FAM83D: variants seen among roughly 807,000 people sequenced by gnomAD.
The protein encoded by FAM83D is protein FAM83D.
FAM83D carries 26 observed loss-of-function variants against 25.4 expected under a neutral mutation model. The ratio of observed to expected loss-of-function variants is 1.02; its 90% CI spans 0.75 to 1.42. The LOEUF (loss-of-function observed/expected upper bound fraction) is 1.42. Ranked by LOEUF, FAM83D falls within the 40% of genes most tolerant of loss-of-function variation. The pLI is 0.00. For synonymous variants in FAM83D, 310 were observed against 318.5 expected, an observed-to-expected ratio of 0.97 and a Z score of 0.28; for missense variants, 740 against 758.1, an observed-to-expected ratio of 0.98 and a Z score of 0.28.
chr20:38,926,854 C>T lies in FAM83D; in HGVS notation c.412C>T (p.Arg138Cys), dbSNP rs1207875776. 6 of 1,524,062 alleles carry T rather than the reference C, an allele frequency of 3.9e-6. No individual in the cohort carries two copies. The highest frequency in any genetic ancestry group is 3.6e-5 in the South Asian group (3 of 82,470). 94.4% of individuals were successfully genotyped at this position (1,524,062 alleles called of 1,614,324 possible). ...ATRVETHFQP[R>C]GAGEGGPYGC... ...GCGTGTCGAGACGCACTTCCAGCCCCGCGGCGCTGGCGAAGGTGGCCCCTA... is the reference window on the plus strand; with the variant it reads ...GCGTGTCGAGACGCACTTCCAGCCCTGCGGCGCTGGCGAAGGTGGCCCCTA... The change falls in exon 1 of 4, where the codon CGC becomes TGC. Residue 138 changes from arginine to cysteine, a missense_variant. Coordinates refer to ENST00000619850, the MANE Select transcript of FAM83D (RefSeq NM_030919.3).
intron 3 of FAM83D, among the ~76,000 whole-genome samples, chr20:38,948,345 T>G (rs1247576082): frequency 6.6e-6 from 1 of 152,198 alleles, no homozygotes; most frequent in Non-Finnish European, 1.5e-5. Flanking sequence ...TCCTTAGGGA[T>G]CTGGACCCAG....
chr20:38,949,326 A>G (rs1164348909), intron 3 of FAM83D, among the ~76,000 whole-genome samples: 3 of 151,672 alleles, frequency 2.0e-5, no homozygotes, highest in Non-Finnish European at 4.4e-5. Flanking sequence ...TGACTGGCTA[A>G]TTTTTGTATT....
rs144410998 is a variant in FAM83D at position 38,951,585 on chromosome 20, C to T, written c.823C>T (p.Leu275=). 3.1e-6 allele frequency: 5 copies of T among 1,614,110 alleles called. No homozygotes were observed. The highest frequency in any genetic ancestry group is 4.2e-6 in the Non-Finnish European group (5 of 1,180,008). The part of the protein sequence containing the change: ...GKLNSSNLVI[L]SGQVVEHFDL... ...ATTAAACAGCAGTAACTTGGTAATT[C>T]TGTCTGGCCAAGTGGTTGAACACTT... The change falls in exon 4 of 4, where the codon CTG becomes TTG. Residue 275 remains leucine, a synonymous_variant. Transcript: ENST00000619850.
At chr20:38,946,886 T>G (rs1005481949) in intron 2 of FAM83D, among the ~76,000 whole-genome samples, 14 of 152,212 alleles carry the variant, frequency 9.2e-5, no homozygotes, top group African/African-American at 3.4e-4. Flanking sequence ...AGGTTTTGTG[T>G]GGATATAGGT....
chr20:38,940,224 G>A (rs538286996), intron 1 of FAM83D, among the ~76,000 whole-genome samples: 67 of 152,254 alleles, frequency 4.4e-4, no homozygotes, highest in Non-Finnish European at 3.5e-4. Context: ...ATTAAAAGGG[G>A]TGGGGTGGGA....
Position 38,951,691 on chromosome 20 carries a change from A to G in FAM83D, c.929A>G (p.Lys310Arg). 1 of 1,614,164 alleles carries G rather than the reference A, an allele frequency of 6.2e-7. No individual in the cohort carries two copies. Among genetic ancestry groups the G allele is most frequent in the Non-Finnish European group, 8.5e-7 (1 of 1,180,036 alleles). The change falls in exon 4 of 4, where the codon AAG becomes AGG. Residue 310 changes from lysine (K) to arginine (R), a missense_variant. Transcript: ENST00000619850. ...CTGTCTCACTTCCAGAGCAGCAACA[A>G]GTTTGATCACCTCACCAACCGAAAA... The part of the protein sequence containing the change: ...KLLSHFQSSN[K>R]FDHLTNRKPQ...
chr20:38,940,352 A>G (rs1207001932), intron 1 of FAM83D, among the ~76,000 whole-genome samples: 1 of 152,186 alleles, frequency 6.6e-6, no homozygotes, highest in Non-Finnish European at 1.5e-5. Context: ...GGAGAAAGAC[A>G]GCCAAATTGC....
Position 38,941,970 on chromosome 20 carries a change from G to C in FAM83D, c.495G>C (p.Val165=). The change falls in exon 2 of 4, where the codon GTG becomes GTC. Residue 165 remains valine (V), a synonymous_variant. Coordinates refer to ENST00000619850, the MANE Select transcript of FAM83D (RefSeq NM_030919.3). ...QLRSAREVIA[V]VMDVFTDIDI... The stretch of plus-strand genomic sequence containing the variant: ...TGTTTCACCTGTAGGTGATTGCAGT[G>C]GTCATGGACGTGTTCACAGACATCG... 6.2e-7 allele frequency: 1 copy of C among 1,613,898 alleles called. No homozygotes were observed. The highest frequency in any genetic ancestry group is 8.5e-7 in the Non-Finnish European group (1 of 1,180,012).
intron 1 of FAM83D, among the ~76,000 whole-genome samples, chr20:38,930,225 G>A (rs1051069814): frequency 2.6e-5 from 4 of 152,158 alleles, no homozygotes; most frequent in African/African-American, 4.8e-5. Context: ...TTCTGCATCC[G>A]TGTTCTGATA....
intron 2 of FAM83D, among the ~76,000 whole-genome samples, chr20:38,942,533 A>C (rs1436576544): frequency 6.6e-6 from 1 of 152,256 alleles, no homozygotes; most frequent in Admixed American, 6.5e-5. Flanking sequence ...AAACGTGCTA[A>C]GTGAAGGAAA....
intron 2 of FAM83D, among the ~76,000 whole-genome samples, chr20:38,943,134 C>G (rs937026868): frequency 2.0e-5 from 3 of 151,830 alleles, no homozygotes; most frequent in African/African-American, 4.8e-5. Context: ...AAGAGATTAT[C>G]CTGCCTCAGC....
At position 38,951,752 on chromosome 20, in the gene FAM83D, G is replaced by A. The variant is rs774780605; in HGVS notation, c.990G>A (p.Leu330=). Residue 330 remains leucine (L), a synonymous_variant, in exon 4 of 4, where the codon CTG becomes CTA. Coordinates refer to ENST00000619850, the MANE Select transcript of FAM83D (RefSeq NM_030919.3). ...AGGAGCTCACCCTGGGCAACCTGCTGCGGATGCGGCTGGCTAGGCTGTCAA... is the reference window on the plus strand; with the variant it reads ...AGGAGCTCACCCTGGGCAACCTGCTACGGATGCGGCTGGCTAGGCTGTCAA... The part of the protein sequence containing the change: ...QSKELTLGNL[L]RMRLARLSST... The A allele has an allele frequency of 8.1e-6, 13 of 1,614,082 alleles. No individual in the cohort carries two copies. Among genetic ancestry groups the A allele is most frequent in the Non-Finnish European group, 1.1e-5 (13 of 1,180,046 alleles).
At position 38,952,119 on chromosome 20, in the gene FAM83D, C is replaced by T. The variant is rs1191531835; in HGVS notation, c.1357C>T (p.Pro453Ser). Residue 453 changes from proline to serine, a missense_variant, in exon 4 of 4, where the codon CCT becomes TCT. Transcript: ENST00000619850. ...TGACATGGATGAGAACATTCTCTTTCCTCGAGGAACTCAATCTACAGAAGG... is the reference window on the plus strand; with the variant it reads ...TGACATGGATGAGAACATTCTCTTTTCTCGAGGAACTCAATCTACAGAAGG... ...QTDMDENILF[P>S]RGTQSTEGSP... 1 of 1,614,212 alleles carries T rather than the reference C, an allele frequency of 6.2e-7. No homozygotes were observed. Among genetic ancestry groups the T allele is most frequent in the South Asian group, 1.1e-5 (1 of 91,086 alleles).
Position 38,937,272 on chromosome 20 carries a change from GA to G in FAM83D, c.484-4686del, listed in dbSNP as rs552770023. 1.6e-4 allele frequency among the ~76,000 whole-genome samples: 24 copies of G among 152,360 alleles called. No homozygotes were observed. In the East Asian group the frequency reaches 4.4e-3, roughly 28 times the overall value. On this transcript the variant is annotated intron_variant, in intron 1 of 3. Transcript: ENST00000619850. ...GTGGGCTCCATGCAGCACAGACTGG[GA>G]GAGTGCCATGACTGTGGGCACTTGA...
intron 1 of FAM83D, among the ~76,000 whole-genome samples, chr20:38,931,795 C>T (rs929777332): frequency 5.3e-5 from 8 of 152,260 alleles, no homozygotes; most frequent in African/African-American, 1.7e-4. Context: ...CACAGAATCA[C>T]TCAGTGTGTC....
chr20:38,951,990 C>T lies in FAM83D; in HGVS notation c.1228C>T (p.Gln410Ter), dbSNP rs747397332. Residue 410 changes from glutamine to a stop codon, truncating the protein, a stop_gained, in exon 4 of 4, where the codon CAA (glutamine) becomes TAA (stop). Transcript: ENST00000619850. LOFTEE classifies it low-confidence loss of function (END_TRUNC). The stretch of plus-strand genomic sequence containing the variant: ...GCTGAGTGTGAGTGAGGTGGGAACA[C>T]AAACCAGCATCACCACAGCATGTGC... Reference protein sequence around the residue: ...PGLSVSEVGTQTSITTACAGT... With the variant: ...PGLSVSEVGT 1.2e-6 allele frequency: 2 copies of T among 1,614,082 alleles called. No individual in the cohort carries two copies.
chr20:38,943,911 C>T (rs1601335627), intron 2 of FAM83D, among the ~76,000 whole-genome samples: 1 of 152,088 alleles, frequency 6.6e-6, no homozygotes. Flanking sequence ...AGGCTGGTCT[C>T]AAACTCCTGA....
At chr20:38,943,722 C>T (rs146606370) in intron 2 of FAM83D, among the ~76,000 whole-genome samples, 108 of 152,108 alleles carry the variant, frequency 7.1e-4, no homozygotes, top group African/African-American at 2.5e-3. Context: ...TGGAATTTTG[C>T]TCTTGTTGCC....
intron 1 of FAM83D, 108 bp downstream of exon 1, chr20:38,927,033 A>C: frequency 1.5e-6 from 2 of 1,377,250 alleles, no homozygotes. Context: ...TCTGCGCCCT[A>C]CCGGAAGCGC....
Sources: allele counts gnomAD v4.1 joint callset (sites outside exome capture counted in the v4.1 genomes callset), GRCh38; gene constraint gnomAD v4.1.1; transcripts MANE v1.5; gene names NCBI Gene and HGNC (gene_info 2026-07-23, HGNC 2026-07-21).